Variants in ST8SIA6 observed in about 807,000 individuals in gnomAD.
The protein encoded by ST8SIA6 is alpha-2,8-sialyltransferase 8F.
Under a neutral mutation model 33.6 loss-of-function variants are expected in ST8SIA6, and 39 were observed. That is an observed-to-expected ratio of 1.16 (90% CI 0.90 to 1.52). The LOEUF (loss-of-function observed/expected upper bound fraction) is 1.52. Ranked by LOEUF, ST8SIA6 falls within the 40% of genes most tolerant of loss-of-function variation. The pLI is 0.00. For synonymous variants in ST8SIA6, 172 were observed against 167.2 expected (o/e 1.03, Z -0.22); for missense variants, 441 against 443.8 (o/e 0.99, Z 0.06).
Position 17,316,204 on chromosome 10 carries a change from C to A in ST8SIA6, c.*4674G>T, listed in dbSNP as rs1387581525. Among the ~76,000 whole-genome samples the A allele has an allele frequency of 6.6e-6, 1 of 151,994 alleles. No individual in the cohort carries two copies. The highest frequency in any genetic ancestry group is 1.5e-5 in the Non-Finnish European group (1 of 67,926). On this transcript the variant is annotated 3_prime_UTR_variant, in exon 8 of 8. Transcript: ENST00000377602. The stretch of plus-strand genomic sequence containing the variant: ...ATGGGTACCCTTCTTGTATTTGACA[C>A]GTAGCCTTGAATATGTTTGTATGTA...
chr10:17,361,712 G>GAAAA (rs34189796), intron 3 of ST8SIA6, among the ~76,000 whole-genome samples: 3 of 123,588 alleles, frequency 2.4e-5, no homozygotes, highest in Admixed American at 1.6e-4. Flanking sequence ...AAGACATTGG[G>GAAAA]AAAAAAAAAA....
chr10:17,352,479 G>A (rs1432543852), intron 4 of ST8SIA6, among the ~76,000 whole-genome samples: 1 of 152,154 alleles, frequency 6.6e-6, no homozygotes, highest in East Asian at 1.9e-4. Context: ...TATTGTACCA[G>A]TGTAAACAAT....
intron 4 of ST8SIA6, among the ~76,000 whole-genome samples, chr10:17,349,750 A>C (rs1425190648): frequency 6.6e-6 from 1 of 152,230 alleles, no homozygotes; most frequent in Non-Finnish European, 1.5e-5. Flanking sequence ...TGAAACAAAC[A>C]AGACACATGG....
chr10:17,414,424 T>C (rs1851542990), intron 2 of ST8SIA6, among the ~76,000 whole-genome samples: 2 of 152,142 alleles, frequency 1.3e-5, no homozygotes, highest in African/African-American at 4.8e-5. Context: ...TTGAAAAAAA[T>C]AGAAGCCTGC....
At chr10:17,340,739 G>A (rs895341385) in intron 4 of ST8SIA6, among the ~76,000 whole-genome samples, 8 of 152,172 alleles carry the variant, frequency 5.3e-5, no homozygotes, top group African/African-American at 1.7e-4. Context: ...TCTTATCTGA[G>A]CCACTGTATC....
chr10:17,333,896 A>T (rs1350158789), intron 4 of ST8SIA6, among the ~76,000 whole-genome samples: 1 of 149,422 alleles, frequency 6.7e-6, no homozygotes, highest in Non-Finnish European at 1.5e-5. Flanking sequence ...TAATTTTTGT[A>T]TTTTTAGTAA....
Position 17,370,879 on chromosome 10 carries a change from T to G in ST8SIA6, c.291-11279A>C, listed in dbSNP as rs547577127. Among the ~76,000 whole-genome samples, 38 of 152,350 alleles carry G rather than the reference T, an allele frequency of 2.5e-4. 1 individual carries two copies. The highest frequency in any genetic ancestry group is 8.9e-4 in the African/African-American group (37 of 41,590). ...AAAAGACTTTGGAGCAGAGAAGTTA[T>G]CTGTCTACTTACAGAAATAGGATCC... On this transcript the variant is annotated intron_variant, in intron 3 of 7. Transcript: ENST00000377602.
chr10:17,433,427 TAAAAC>T (rs1191680590), intron 2 of ST8SIA6, among the ~76,000 whole-genome samples: 2 of 152,166 alleles, frequency 1.3e-5, no homozygotes, highest in African/African-American at 2.4e-5. Flanking sequence ...AAATTCCAAT[TAAAAC>T]AAAGAGATAC....
chr10:17,419,719 A>G (rs1300947170), intron 2 of ST8SIA6, among the ~76,000 whole-genome samples: 1 of 152,238 alleles, frequency 6.6e-6, no homozygotes, highest in African/African-American at 2.4e-5. Context: ...CATCTGCTCC[A>G]AACAGTGAGC....
intron 6 of ST8SIA6, 90 bp from the exon 7 acceptor site, chr10:17,323,247 A>ACACACG: frequency 1.3e-6 from 1 of 743,274 alleles, no homozygotes; most frequent in Non-Finnish European, 2.2e-6. Flanking sequence ...ACACACACAC[A>ACACACG]CACCTATCTA....
intron 4 of ST8SIA6, among the ~76,000 whole-genome samples, chr10:17,334,551 A>AAATTATTATT (rs1554785997): frequency 2.1e-5 from 3 of 142,774 alleles, no homozygotes; most frequent in Admixed American, 1.4e-4. Flanking sequence ...AAAAAAAAAA[A>AAATTATTATT]ATTATTATTA....
chr10:17,391,427 AT>A (rs1274136275), intron 2 of ST8SIA6, among the ~76,000 whole-genome samples: 2 of 151,246 alleles, frequency 1.3e-5, no homozygotes, highest in Non-Finnish European at 2.9e-5. Context: ...TGCCCGGCTA[AT>A]TTTTTGTATT....
chr10:17,449,611 C>A (rs1256017036), intron 2 of ST8SIA6, among the ~76,000 whole-genome samples: 1 of 152,164 alleles, frequency 6.6e-6, no homozygotes, highest in African/African-American at 2.4e-5. Flanking sequence ...TTCATTCTCC[C>A]ACTTTAGCAC....
intron 2 of ST8SIA6, among the ~76,000 whole-genome samples, chr10:17,453,086 GA>G (rs1327929428): frequency 6.6e-6 from 1 of 151,254 alleles, no homozygotes; most frequent in South Asian, 2.1e-4. Flanking sequence ...TGAATGATAA[GA>G]AAAAAAATTT....
At chr10:17,369,993 C>CTT (rs34231362) in intron 3 of ST8SIA6, among the ~76,000 whole-genome samples, 3 of 142,462 alleles carry the variant, frequency 2.1e-5, no homozygotes, top group Non-Finnish European at 3.1e-5. Flanking sequence ...CAATCACTGA[C>CTT]TTTTTTTTTT....
intron 3 of ST8SIA6, among the ~76,000 whole-genome samples, chr10:17,374,780 G>T (rs886804660): frequency 1.6e-5 from 2 of 124,632 alleles, no homozygotes; most frequent in Admixed American, 1.5e-4. Context: ...TAGCTCAACT[G>T]CCCTCCCAAC....
At chr10:17,393,087 ACT>A (rs1287557709) in intron 2 of ST8SIA6, among the ~76,000 whole-genome samples, 11 of 152,070 alleles carry the variant, frequency 7.2e-5, no homozygotes, top group African/African-American at 2.7e-4. Flanking sequence ...GGGTGAGTTC[ACT>A]CTCTCTTCTT....
rs1415274053 is a variant in ST8SIA6, at chr10:17,320,328, C to T, written c.*550G>A. 6.6e-6 allele frequency: 1 copy of T among 152,538 alleles called. No homozygotes were observed. The highest frequency in any genetic ancestry group is 1.9e-4 in the East Asian group (1 of 5,208). The allele number at this position is 152,538 out of a possible 1,614,324, so 9.4% of individuals were successfully genotyped here. ...AGCTACTATTAAAAGTGAATTTAATCAGAAGCAGGCATACTGCCATACTCA... is the reference window on the plus strand; with the variant it reads ...AGCTACTATTAAAAGTGAATTTAATTAGAAGCAGGCATACTGCCATACTCA... On this transcript the variant is annotated 3_prime_UTR_variant, in exon 8 of 8. Transcript: ENST00000377602.
At chr10:17,340,810 A>G (rs1254373096) in intron 4 of ST8SIA6, among the ~76,000 whole-genome samples, 1 of 152,196 alleles carries the variant, frequency 6.6e-6, no homozygotes, top group African/African-American at 2.4e-5. Context: ...CTTCTTTAAC[A>G]AAAAATAAAA....
Sources: gnomAD v4.1 joint callset for allele counts (sites outside exome capture counted in the v4.1 genomes callset) on GRCh38, gnomAD v4.1.1 for gene constraint, MANE v1.5 for transcripts, NCBI Gene and HGNC (gene_info 2026-07-23, HGNC 2026-07-21) for gene names.